The following RBFOX2 variants were observed in gnomAD, a reference collection of about 807,000 sequenced individuals.
RBFOX2 encodes RNA binding protein fox-1 homolog 2.
A neutral mutation model predicts 49.1 loss-of-function variants in RBFOX2; 10 were observed. That is an observed-to-expected ratio of 0.20 (90% CI 0.13 to 0.35). The LOEUF is 0.35. Among genes scored for constraint, RBFOX2 ranks in the 10% least tolerant of loss-of-function variants. The pLI is 1.00. For missense variants in RBFOX2, 323 were observed against 486.9 expected (o/e 0.66, Z 3.17); for synonymous variants, 183 against 187.4 (o/e 0.98, Z 0.19).
rs980763632 is a variant in RBFOX2 at position 35,951,718 on chromosome 22, T to C, written c.42+9845A>G. Among the ~76,000 whole-genome samples the C allele has an allele frequency of 4.6e-5, 7 of 152,198 alleles. 1 individual carries two copies. Among genetic ancestry groups the C allele is most frequent in the Non-Finnish European group, 2.9e-5 (2 of 68,026 alleles). Reference sequence around the variant, plus strand: ...AAACATTATCACTTTTAATTCTCACTAAAACCCTGTGATATATCACTTTAT... The same window carrying C: ...AAACATTATCACTTTTAATTCTCACCAAAACCCTGTGATATATCACTTTAT... On this transcript the variant is annotated intron_variant, in intron 1 of 5. Coordinates refer to the RBFOX2 transcript ENST00000408983.
upstream of RBFOX2, among the ~76,000 whole-genome samples, chr22:35,845,417 G>A (rs1362624672): frequency 2.0e-5 from 3 of 150,572 alleles, no homozygotes; most frequent in East Asian, 5.8e-4. Flanking sequence ...AAAAGTGAGT[G>A]TGAAATTTGA....
At chr22:35,921,076 ATT>A (rs1233373587) in intron 1 of RBFOX2, among the ~76,000 whole-genome samples, 1 of 152,240 alleles carries the variant, frequency 6.6e-6, no homozygotes, top group Non-Finnish European at 1.5e-5. Context: ...GCCTCTTAGC[ATT>A]TTCTTACCAG....
chr22:35,885,957 C>T (rs1192848802), intron 1 of RBFOX2, among the ~76,000 whole-genome samples: 4 of 149,292 alleles, frequency 2.7e-5, no homozygotes, highest in Non-Finnish European at 5.9e-5. Flanking sequence ...CCCGGGTCCA[C>T]GCCATTCTCC....
intron 1 of RBFOX2, among the ~76,000 whole-genome samples, chr22:36,008,181 T>A (rs577120434): frequency 2.0e-5 from 3 of 152,182 alleles, no homozygotes; most frequent in Non-Finnish European, 4.4e-5. Context: ...TATCAAACCA[T>A]TGTGTTATCA....
chr22:35,844,477 T>A (rs1189078261), upstream of RBFOX2, among the ~76,000 whole-genome samples: 1 of 152,116 alleles, frequency 6.6e-6, no homozygotes, highest in Non-Finnish European at 1.5e-5. Context: ...CTTGGAGATA[T>A]CTTCAAATTT....
At chr22:35,892,365 A>C (rs1318159021) in intron 1 of RBFOX2, among the ~76,000 whole-genome samples, 2 of 152,212 alleles carry the variant, frequency 1.3e-5, no homozygotes, top group Non-Finnish European at 2.9e-5. Flanking sequence ...ACTAAAAAAG[A>C]GGATGACTCA....
intron 1 of RBFOX2, among the ~76,000 whole-genome samples, chr22:35,944,824 C>T (rs1045202684): frequency 6.6e-6 from 1 of 152,054 alleles, no homozygotes; most frequent in Non-Finnish European, 1.5e-5. Context: ...GGCTGTAATC[C>T]CGGCACTTTG....
At chr22:35,771,782 T>G (rs1942740341) in intron 4 of RBFOX2, among the ~76,000 whole-genome samples, 1 of 152,206 alleles carries the variant, frequency 6.6e-6, no homozygotes, top group South Asian at 2.1e-4. Context: ...TAGAATATAC[T>G]ATTTCTTCAA....
At chr22:35,971,520 C>CTCTCT in intron 1 of RBFOX2, among the ~76,000 whole-genome samples, 1 of 152,226 alleles carries the variant, frequency 6.6e-6, no homozygotes, top group South Asian at 2.1e-4. Flanking sequence ...TCCTTCCTCC[C>CTCTCT]TCTCTTCTCT....
chr22:35,949,519 C>A (rs532052618), intron 1 of RBFOX2, among the ~76,000 whole-genome samples: 2 of 152,296 alleles, frequency 1.3e-5, no homozygotes, highest in South Asian at 4.2e-4. Flanking sequence ...AAATTTCCAC[C>A]GGCAAAGCAC....
intron 1 of RBFOX2, among the ~76,000 whole-genome samples, chr22:35,989,664 A>C (rs2057883755): frequency 6.6e-6 from 1 of 152,170 alleles, no homozygotes; most frequent in African/African-American, 2.4e-5. Context: ...AAGATATAGA[A>C]GGGCAGATTT....
chr22:35,791,649 G>C lies in RBFOX2; in HGVS notation c.253-9903C>G, dbSNP rs191698405. 7.2e-5 allele frequency among the ~76,000 whole-genome samples: 11 copies of C among 152,184 alleles called. No individual in the cohort carries two copies. In the East Asian group the frequency reaches 2.1e-3, roughly 29 times the overall value. On this transcript the variant is annotated intron_variant, in intron 2 of 11. Transcript: ENST00000405409. Reference sequence around the variant, plus strand: ...TTACTATTAATCCATTTCACAATTAGAAACAGTTTAACTTGTAACTCTCAT... The same window carrying C: ...TTACTATTAATCCATTTCACAATTACAAACAGTTTAACTTGTAACTCTCAT...
intron 1 of RBFOX2, among the ~76,000 whole-genome samples, chr22:35,850,232 A>ACACACACT (rs1302775534): frequency 2.7e-5 from 4 of 150,848 alleles, no homozygotes; most frequent in Non-Finnish European, 5.9e-5. Flanking sequence ...ACACACACAC[A>ACACACACT]CACCCTTCTC....
At position 35,873,709 on chromosome 22, in the gene RBFOX2, C is replaced by T. The variant is rs12159252; in HGVS notation, c.-33-63705G>A. ...GCAGAACAACTAGATAAAAGTCTCA[C>T]TTTGTTGCCTAGGTTGGAGTACAGT... On this transcript the variant is annotated intron_variant, in intron 1 of 13. Coordinates refer to the RBFOX2 transcript ENST00000359369. 2.2e-3 allele frequency among the ~76,000 whole-genome samples: 328 copies of T among 152,288 alleles called. 1 individual carries two copies. Among genetic ancestry groups the T allele is most frequent in the African/African-American group, 7.8e-3 (323 of 41,558 alleles).
chr22:35,907,536 G>A (rs1462844999), intron 1 of RBFOX2, among the ~76,000 whole-genome samples: 1 of 152,184 alleles, frequency 6.6e-6, no homozygotes, highest in Non-Finnish European at 1.5e-5. Flanking sequence ...AAAGACAAAT[G>A]AATCTCTCTC....
chr22:35,740,224 C>G (rs918312757), exon 12 of RBFOX2: 1 of 152,452 alleles, frequency 6.6e-6, no homozygotes, highest in Non-Finnish European at 1.5e-5. Context: ...GTTTCATGCT[C>G]TAGCTCTTGG....
chr22:35,890,615 T>C (rs2047126983), intron 1 of RBFOX2, among the ~76,000 whole-genome samples: 1 of 152,124 alleles, frequency 6.6e-6, no homozygotes, highest in African/African-American at 2.4e-5. Context: ...ACGAGGCTAA[T>C]TGTGGTATAG....
In RBFOX2 at chr22:35,948,855, A is replaced by G. The variant is rs138785304; in HGVS notation, c.43-9958T>C. 1.2e-3 allele frequency among the ~76,000 whole-genome samples: 176 copies of G among 152,202 alleles called. 1 individual carries two copies. The East Asian group carries it at 0.017, about 14-fold the overall frequency. ...GTTACCATTTTAGCCATTTTTCAGT[A>G]TACACTTCTATAGCATTAAGTATAT... is the stretch of plus-strand genomic sequence containing the variant. On this transcript the variant is annotated intron_variant, in intron 1 of 5. Coordinates refer to the RBFOX2 transcript ENST00000408983.
At chr22:35,840,297 T>G in exon 1 of RBFOX2, 37 of 1,090,280 alleles carry the variant, frequency 3.4e-5, no homozygotes, top group East Asian at 4.9e-5. Flanking sequence ...TCCACCCCCC[T>G]CCCCCCCCAA....
Sources: allele counts gnomAD v4.1 joint callset (sites outside exome capture counted in the v4.1 genomes callset), GRCh38; gene constraint gnomAD v4.1.1; transcripts MANE v1.5; gene names NCBI Gene and HGNC (gene_info 2026-07-23, HGNC 2026-07-21).